The following EML6 variants were observed in gnomAD, a reference collection of about 807,000 sequenced individuals.
EML6 encodes EMAP like 6, also known as echinoderm microtubule-associated protein-like 6.
A neutral mutation model predicts 240.1 loss-of-function variants in EML6; 154 were observed. The ratio of observed to expected loss-of-function variants is 0.64; its 90% confidence interval spans 0.56 to 0.73. The LOEUF (loss-of-function observed/expected upper bound fraction) is 0.73. Ranked by LOEUF, EML6 falls within the 30% of genes least tolerant of loss-of-function variation. The pLI is 0.00. For missense variants in EML6, 2,964 were observed against 2,474.6 expected (o/e 1.20, Z -4.20); for synonymous variants, 1,148 against 899.0 (o/e 1.28, Z -4.95).
At chr2:54,888,189 A>C (rs542408422) in intron 17 of EML6, among the ~76,000 whole-genome samples, 1 of 152,214 alleles carries the variant, frequency 6.6e-6, no homozygotes, top group African/African-American at 2.4e-5. Flanking sequence ...GCAGAGGGTA[A>C]TGAGGCATGA....
intron 2 of EML6, among the ~76,000 whole-genome samples, chr2:54,780,263 T>C (rs919402156): frequency 1.3e-5 from 2 of 152,224 alleles, no homozygotes; most frequent in Admixed American, 1.3e-4. Context: ...TAGTTAGATA[T>C]GATAAAAATG....
chr2:54,770,747 C>T (rs910552072), intron 2 of EML6, among the ~76,000 whole-genome samples: 13 of 152,142 alleles, frequency 8.5e-5, no homozygotes, highest in African/African-American at 3.1e-4. Flanking sequence ...TCGTTCCTTC[C>T]TTCTCAGAAT....
At chr2:54,855,462 C>A (rs992542218) in intron 11 of EML6, among the ~76,000 whole-genome samples, 4 of 136,428 alleles carry the variant, frequency 2.9e-5, no homozygotes, top group Non-Finnish European at 4.7e-5. Context: ...TACCATGCCC[C>A]CCCCCCGCCC....
chr2:54,924,151 C>A (rs1250686089), intron 26 of EML6, among the ~76,000 whole-genome samples: 1 of 152,184 alleles, frequency 6.6e-6, no homozygotes, highest in East Asian at 1.9e-4. Flanking sequence ...ATTTCTGAGT[C>A]ATGGGGAAAA....
intron 41 of EML6, among the ~76,000 whole-genome samples, chr2:54,969,301 C>G (rs1358293489): frequency 6.6e-6 from 1 of 152,128 alleles, no homozygotes; most frequent in African/African-American, 2.4e-5. Flanking sequence ...TCTATTCAGC[C>G]CAAGCAAAAC....
In EML6 at chr2:54,835,984, C is replaced by T. The variant is rs570844154; in HGVS notation, c.847+6507C>T. 5.3e-5 allele frequency among the ~76,000 whole-genome samples: 8 copies of T among 152,290 alleles called. 1 individual carries two copies. Among genetic ancestry groups the T allele is most frequent in the East Asian group, 1.9e-4 (1 of 5,176 alleles). On this transcript the variant is annotated intron_variant, in intron 7 of 41. Coordinates refer to ENST00000356458, the MANE Select transcript of EML6 (RefSeq NM_001039753.4). ...AAGCACATCCTATTCTCCAGTCCCG[C>T]GGGCGGCTCCATTACTTACCTCTTG... is the stretch of plus-strand genomic sequence containing the variant.
chr2:54,960,165 G>A lies in EML6; in HGVS notation c.4854-55G>A, dbSNP rs1676430289. 3 of 1,254,500 alleles carry A rather than the reference G, an allele frequency of 2.4e-6. No homozygotes were observed. In the Admixed American group the frequency reaches 5.9e-5, roughly 25 times the overall value. 77.7% of individuals were successfully genotyped at this position (1,254,500 alleles called of 1,614,324 possible). On this transcript the variant is annotated intron_variant, in intron 34 of 41. Transcript: ENST00000356458. ...GAAAGAGGGGAGAGGGCCGGAGGGGGTAGTGGGTCTTAGGATGAGGGTTAA... is the reference window on the plus strand; with the variant it reads ...GAAAGAGGGGAGAGGGCCGGAGGGGATAGTGGGTCTTAGGATGAGGGTTAA...
At chr2:54,921,070 T>C (rs1441525671) in intron 26 of EML6, among the ~76,000 whole-genome samples, 1 of 151,912 alleles carries the variant, frequency 6.6e-6, no homozygotes, top group Non-Finnish European at 1.5e-5. Context: ...CGAAAACTTT[T>C]CCTTTAAGAT....
chr2:54,956,018 CGTGTGT>C (rs35863783), intron 32 of EML6, among the ~76,000 whole-genome samples: 5 of 150,190 alleles, frequency 3.3e-5, no homozygotes, highest in Non-Finnish European at 7.4e-5. Flanking sequence ...TTTTGGGGAA[CGTGTGT>C]GTGTGTGTGT....
intron 28 of EML6, among the ~76,000 whole-genome samples, chr2:54,936,989 T>A (rs1056979274): frequency 1.1e-4 from 10 of 87,720 alleles, no homozygotes; most frequent in African/African-American, 2.3e-4. Context: ...TTTTTTTTTT[T>A]AAAGTCTGGG....
In EML6 at chr2:54,853,736, C is replaced by T. The variant is rs1281007419; in HGVS notation, c.1538C>T (p.Pro513Leu). ...GGCCCTGAAGTGAGTGGAATTTGGC[C>T]CAAATACACTGAGGTTACTGACATC... Reference protein sequence around the residue: ...VKGPEVSGIWPKYTEVTDINS... With the variant: ...VKGPEVSGIWLKYTEVTDINS... The change falls in exon 11 of 42, where the codon CCC becomes CTC. Residue 513 changes from proline (P) to leucine (L), a missense_variant. Transcript: ENST00000356458. The T allele has an allele frequency of 1.3e-6, 2 of 1,551,526 alleles. No individual in the cohort carries two copies. The highest frequency in any genetic ancestry group is 1.7e-6 in the Non-Finnish European group (2 of 1,146,898).
At chr2:54,750,250 C>T (rs538594580) in intron 2 of EML6, among the ~76,000 whole-genome samples, 24 of 152,210 alleles carry the variant, frequency 1.6e-4, no homozygotes, top group African/African-American at 4.8e-4. Flanking sequence ...ACTCCTGGGA[C>T]GGGACTCAAG....
At chr2:54,833,722 C>G (rs1452479726) in intron 7 of EML6, among the ~76,000 whole-genome samples, 1 of 152,166 alleles carries the variant, frequency 6.6e-6, no homozygotes, top group African/African-American at 2.4e-5. Context: ...ACTTGTGCAT[C>G]TTTTGTGAGT....
chr2:54,951,134 T>C (rs972443096), intron 30 of EML6, among the ~76,000 whole-genome samples: 2 of 152,238 alleles, frequency 1.3e-5, no homozygotes, highest in Middle Eastern at 3.2e-3. Context: ...GAACTTTGCC[T>C]ATTCATTTTT....
intron 28 of EML6, among the ~76,000 whole-genome samples, chr2:54,938,127 C>T (rs966100425): frequency 6.6e-6 from 1 of 152,160 alleles, no homozygotes; most frequent in African/African-American, 2.4e-5. Context: ...GGGCAGATCA[C>T]CTGAGGTCAG....
intron 25 of EML6, among the ~76,000 whole-genome samples, chr2:54,914,064 T>C (rs192552119): frequency 6.6e-6 from 1 of 152,232 alleles, no homozygotes; most frequent in Non-Finnish European, 1.5e-5. Flanking sequence ...CCTTGTAGTA[T>C]ACTTTGAAGT....
intron 7 of EML6, among the ~76,000 whole-genome samples, chr2:54,842,766 C>T (rs969999470): frequency 1.3e-5 from 2 of 152,142 alleles, no homozygotes; most frequent in African/African-American, 4.8e-5. Context: ...GAGACTCAGG[C>T]AAGTGAGGAC....
At chr2:54,920,617 AAAAG>A (rs1310389419) in intron 26 of EML6, among the ~76,000 whole-genome samples, 1 of 152,194 alleles carries the variant, frequency 6.6e-6, no homozygotes, top group African/African-American at 2.4e-5. Flanking sequence ...CTCTTTCAAA[AAAAG>A]AAAAAAAATT....
chr2:54,967,758 C>G (rs1000248210), intron 39 of EML6, among the ~76,000 whole-genome samples: 12 of 152,126 alleles, frequency 7.9e-5, no homozygotes, highest in African/African-American at 2.9e-4. Flanking sequence ...TCATGGAATA[C>G]AATTTTTCCA....
Sources: gnomAD v4.1 joint callset for allele counts (sites outside exome capture counted in the v4.1 genomes callset) on GRCh38, gnomAD v4.1.1 for gene constraint, MANE v1.5 for transcripts, NCBI Gene and HGNC (gene_info 2026-07-23, HGNC 2026-07-21) for gene names.